The following CDH13 variants were observed in gnomAD, a reference collection of about 807,000 sequenced individuals.
The protein encoded by CDH13 is cadherin-13.
A neutral mutation model predicts 63.8 loss-of-function variants in CDH13; 24 were observed. The observed-to-expected ratio is 0.38, with a 90% CI of 0.27 to 0.53. The LOEUF is 0.53. Among genes scored for constraint, CDH13 ranks in the 20% least tolerant of loss-of-function variants. CDH13 has a pLI of 0.85. For synonymous variants in CDH13, 503 were observed against 355.3 expected (o/e 1.42, Z -4.67); for missense variants, 1,049 against 903.1 (o/e 1.16, Z -2.07).
At chr16:83,542,511 T>C (rs2075312814) in intron 7 of CDH13, among the ~76,000 whole-genome samples, 3 of 152,218 alleles carry the variant, frequency 2.0e-5, no homozygotes, top group Admixed American at 1.3e-4. Flanking sequence ...TTGCAACGGC[T>C]GTGGTAACAA....
intron 1 of CDH13, among the ~76,000 whole-genome samples, chr16:82,651,617 G>C (rs904005529): frequency 1.3e-5 from 2 of 152,206 alleles, no homozygotes; most frequent in East Asian, 3.8e-4. Context: ...TTAGGGAGGT[G>C]GTGTTTTTCC....
chr16:83,390,310 A>G (rs2151428229), intron 6 of CDH13, among the ~76,000 whole-genome samples: 1 of 152,304 alleles, frequency 6.6e-6, no homozygotes, highest in African/African-American at 2.4e-5. Context: ...TGGTCTCAGC[A>G]TGCAGCATCA....
intron 8 of CDH13, among the ~76,000 whole-genome samples, chr16:83,606,018 T>C (rs1253526638): frequency 1.3e-5 from 2 of 152,170 alleles, no homozygotes; most frequent in African/African-American, 2.4e-5. Flanking sequence ...CTGGCTCAGA[T>C]GCAGTGGCCT....
At chr16:82,659,254 T>G (rs2150921991) in intron 1 of CDH13, among the ~76,000 whole-genome samples, 1 of 152,310 alleles carries the variant, frequency 6.6e-6, no homozygotes, top group African/African-American at 2.4e-5. Context: ...CAACACTGGG[T>G]TTAGAATGCT....
intron 2 of CDH13, among the ~76,000 whole-genome samples, chr16:82,969,906 T>C (rs1908447337): frequency 6.6e-6 from 1 of 152,156 alleles, no homozygotes; most frequent in Admixed American, 6.5e-5. Flanking sequence ...AGTCCATTTC[T>C]ACACCTTTCT....
intron 1 of CDH13, among the ~76,000 whole-genome samples, chr16:82,633,852 A>G (rs540283741): frequency 3.3e-5 from 5 of 152,334 alleles, no homozygotes; most frequent in African/African-American, 1.2e-4. Flanking sequence ...GCCTCATCCC[A>G]TACCAGCAGG....
At chr16:83,685,420 A>T (rs1904296999) in intron 10 of CDH13, among the ~76,000 whole-genome samples, 2 of 152,206 alleles carry the variant, frequency 1.3e-5, no homozygotes, top group Non-Finnish European at 2.9e-5. Flanking sequence ...AATCAAAATA[A>T]TAGATGATGT....
chr16:83,282,729 A>G (rs1456768321), intron 5 of CDH13, among the ~76,000 whole-genome samples: 1 of 152,174 alleles, frequency 6.6e-6, no homozygotes, highest in Non-Finnish European at 1.5e-5. Flanking sequence ...TGAGAGAATA[A>G]GTTTTCCTTT....
At chr16:83,735,290 C>G (rs992384593) in intron 10 of CDH13, 2 of 152,190 alleles carry the variant, frequency 1.3e-5, no homozygotes, top group Non-Finnish European at 2.9e-5. Context: ...GGACCTCTCC[C>G]CAGTCCTTTG....
chr16:82,714,449 C>G (rs1031151367), intron 1 of CDH13, among the ~76,000 whole-genome samples: 1 of 152,022 alleles, frequency 6.6e-6, no homozygotes. Context: ...CATGGTGGCT[C>G]AGGCCTGTAA....
intron 12 of CDH13, among the ~76,000 whole-genome samples, chr16:83,782,214 GC>G (rs1485904531): frequency 6.6e-6 from 1 of 152,084 alleles, no homozygotes; most frequent in Non-Finnish European, 1.5e-5. Context: ...CCAGAAAGGG[GC>G]ACTTAAAAAT....
chr16:82,703,386 A>G (rs958471062), intron 1 of CDH13, among the ~76,000 whole-genome samples: 4 of 152,092 alleles, frequency 2.6e-5, no homozygotes, highest in African/African-American at 7.2e-5. Flanking sequence ...GGAGCATGGC[A>G]GGCCAGAAGT....
At chr16:83,215,068 C>T (rs1464145319) in intron 4 of CDH13, among the ~76,000 whole-genome samples, 1 of 24,142 alleles carries the variant, frequency 4.1e-5, no homozygotes, top group Non-Finnish European at 9.4e-5. Context: ...GAGTATCAAA[C>T]ACCTCTTTTT....
At chr16:83,363,786 A>C (rs1421150054) in intron 6 of CDH13, among the ~76,000 whole-genome samples, 5 of 152,192 alleles carry the variant, frequency 3.3e-5, no homozygotes, top group African/African-American at 9.7e-5. Context: ...GTATCATGGG[A>C]TGCTGAGTGG....
intron 8 of CDH13, among the ~76,000 whole-genome samples, chr16:83,666,042 A>T (rs1913919538): frequency 6.6e-6 from 1 of 152,206 alleles, no homozygotes; most frequent in Non-Finnish European, 1.5e-5. Context: ...ATTGTGTAAA[A>T]ATACGTTTTA....
chr16:83,083,674 A>G (rs149705742), intron 3 of CDH13, among the ~76,000 whole-genome samples: 5 of 152,220 alleles, frequency 3.3e-5, no homozygotes, highest in Non-Finnish European at 5.9e-5. Flanking sequence ...CGATAGAACT[A>G]TAGTTGGAAG....
At chr16:83,386,983 T>G (rs1287978085) in intron 6 of CDH13, among the ~76,000 whole-genome samples, 1 of 152,322 alleles carries the variant, frequency 6.6e-6, no homozygotes, top group East Asian at 1.9e-4. Flanking sequence ...TGCAAGAGAC[T>G]TTCGCCTACA....
At chr16:83,401,804 G>C (rs897661568) in intron 6 of CDH13, among the ~76,000 whole-genome samples, 1 of 152,190 alleles carries the variant, frequency 6.6e-6, no homozygotes, top group South Asian at 2.1e-4. Context: ...TGACTCTCAA[G>C]CATTCATGTA....
intron 2 of CDH13, among the ~76,000 whole-genome samples, chr16:82,939,966 CA>C (rs1252274137): frequency 1.3e-5 from 2 of 152,046 alleles, no homozygotes; most frequent in African/African-American, 4.8e-5. Flanking sequence ...TGAAGAGGAG[CA>C]AAATCGTGTC....
Sources: allele counts gnomAD v4.1 joint callset (sites outside exome capture counted in the v4.1 genomes callset), GRCh38; gene constraint gnomAD v4.1.1; transcripts MANE v1.5; gene names NCBI Gene and HGNC (gene_info 2026-07-23, HGNC 2026-07-21).